GJB3: variants seen among roughly 807,000 people sequenced by gnomAD.
GJB3 encodes the protein gap junction beta-3 protein.
A neutral mutation model predicts 8.1 loss-of-function variants in GJB3; 6 were observed. The ratio of observed to expected loss-of-function variants is 0.75; its 90% CI spans 0.41 to 1.47. The LOEUF is 1.47. Among genes scored for constraint, GJB3 ranks in the 40% most tolerant of loss-of-function variants. The pLI, the probability that GJB3 is intolerant of heterozygous loss-of-function variation, is 0.02. For synonymous variants in GJB3, 137 were observed against 156.4 expected (o/e 0.88, Z 0.93); for missense variants, 348 against 365.6 (o/e 0.95, Z 0.39).
rs201314683 is a variant in GJB3 at position 34,785,055 on chromosome 1, G to C, written c.293G>C (p.Arg98Pro). ...SLLVILHVAY[R>P]EERERRHRQK... ...CTGGTCATCCTGCACGTGGCCTACC[G>C]TGAGGAGCGGGAGCGCCGGCACCGC... Residue 98 changes from arginine to proline, a missense_variant, in exon 2 of 2, where the codon CGT becomes CCT. Physicochemically the swap from Arg to Pro is moderately radical, Grantham distance 103. Coordinates refer to ENST00000373366, the MANE Select transcript of GJB3 (RefSeq NM_024009.3). The surrounding 1 kb of genome is among the most constrained non-coding windows in gnomAD (Gnocchi z 4.7). 1 of 1,614,102 alleles carries C rather than the reference G, an allele frequency of 6.2e-7. No individual in the cohort carries two copies. The highest frequency in any genetic ancestry group is 1.1e-5 in the South Asian group (1 of 91,084).
In GJB3 at chr1:34,781,293, G is replaced by C. The variant is rs184542575; in HGVS notation, c.-511G>C. ...AAGCCCACCGGCCTCCCTGGAGGCC[G>C]AGGTCGACGGCCCGTCGCACCGGGA... On this transcript the variant is annotated 5_prime_UTR_variant, in exon 1 of 2. Coordinates refer to ENST00000373366, the MANE Select transcript of GJB3 (RefSeq NM_024009.3). The surrounding 1 kb of genome is among the most constrained non-coding windows in gnomAD (Gnocchi z 6.2). 4 of 152,276 alleles carry C rather than the reference G, an allele frequency of 2.6e-5. No individual in the cohort carries two copies. Among genetic ancestry groups the C allele is most frequent in the Non-Finnish European group, 5.9e-5 (4 of 68,016 alleles). 9.4% of individuals were successfully genotyped at this position (152,276 alleles called of 1,614,324 possible). A position where few individuals can be genotyped will look rare whatever the true frequency, so the allele number is the denominator to read the frequency against.
In GJB3 at chr1:34,785,396, C is replaced by T; in HGVS notation, c.634C>T (p.His212Tyr). The change falls in exon 2 of 2, where the codon CAC becomes TAC. Residue 212 changes from histidine to tyrosine, a missense_variant. By Grantham distance (83) the His-to-Tyr change is moderately conservative. Coordinates refer to ENST00000373366, the MANE Select transcript of GJB3 (RefSeq NM_024009.3). This position sits in a 1 kb window ranked among gnomAD's most constrained non-coding sequence, Gnocchi z 4.7. ...CTGTGAGCTCTGCTACCTCATCTGC[C>T]ACAGGGTCCTGCGAGGCCTGCACAA... Reference protein sequence around the residue: ...TICELCYLICHRVLRGLHKDK... With the variant: ...TICELCYLICYRVLRGLHKDK... 1 of 1,614,152 alleles carries T rather than the reference C, an allele frequency of 6.2e-7. No individual in the cohort carries two copies. The highest frequency in any genetic ancestry group is 8.5e-7 in the Non-Finnish European group (1 of 1,180,042).
intron 1 of GJB3, among the ~76,000 whole-genome samples, chr1:34,782,914 C>T (rs1433912185): frequency 6.6e-6 from 1 of 152,138 alleles, no homozygotes; most frequent in African/African-American, 2.4e-5. Context: ...CATTTGTTTA[C>T]CCATTCAGCG....
chr1:34,783,213 A>ACTCCAG (rs987639163), intron 1 of GJB3, among the ~76,000 whole-genome samples: 1 of 151,610 alleles, frequency 6.6e-6, no homozygotes, highest in African/African-American at 2.4e-5. Context: ...GCACCACTGC[A>ACTCCAG]CTCCAGCCTG....
chr1:34,786,178 G>A lies in GJB3; in HGVS notation c.*603G>A, dbSNP rs554307336. ...GTCCCCCAGGTCATCACTTGGCTCA[G>A]TGGAAGCCCTCTTTCCCCAAATCCT... On this transcript the variant is annotated 3_prime_UTR_variant, in exon 2 of 2. Transcript: ENST00000373366. This position sits in a 1 kb window ranked among gnomAD's most constrained non-coding sequence, Gnocchi z 4.4. 2 of 168,718 alleles carry A rather than the reference G, an allele frequency of 1.2e-5. No homozygotes were observed. The highest frequency in any genetic ancestry group is 6.4e-5 in the Admixed American group (1 of 15,630). The allele number at this position is 168,718 out of a possible 1,614,324, so 10.5% of individuals were successfully genotyped here. A position where few individuals can be genotyped will look rare whatever the true frequency, so the allele number is the denominator to read the frequency against.
chr1:34,785,979 G>A lies in GJB3; in HGVS notation c.*404G>A, dbSNP rs1210008596. 4.3e-6 allele frequency: 1 copy of A among 230,084 alleles called. No homozygotes were observed. Among genetic ancestry groups the A allele is most frequent in the Non-Finnish European group, 9.4e-6 (1 of 106,340 alleles). 14.3% of individuals were successfully genotyped at this position (230,084 alleles called of 1,614,324 possible). On this transcript the variant is annotated 3_prime_UTR_variant, in exon 2 of 2. Transcript: ENST00000373366. This position sits in a 1 kb window ranked among gnomAD's most constrained non-coding sequence, Gnocchi z 4.7. ...AGACACAACAGCAGCACAGAGGTCT[G>A]GAGGCCACACAAAAAGTGATGCTCG...
Position 34,786,023 on chromosome 1 carries a change from A to C in GJB3, c.*448A>C, listed in dbSNP as rs1640110231. On this transcript the variant is annotated 3_prime_UTR_variant, in exon 2 of 2. Coordinates refer to ENST00000373366, the MANE Select transcript of GJB3 (RefSeq NM_024009.3). The surrounding 1 kb of genome is among the most constrained non-coding windows in gnomAD (Gnocchi z 4.4). ...ATGCTCGCCCTGGGCTAGCCTCAGC[A>C]GACCTAAGGCATCTCTACTCCCTCC... 4.4e-5 allele frequency: 9 copies of C among 205,686 alleles called. No individual in the cohort carries two copies. In the South Asian group the frequency reaches 8.7e-4, roughly 20 times the overall value. The allele number at this position is 205,686 out of a possible 1,614,324, so 12.7% of individuals were successfully genotyped here.
intron 1 of GJB3, 108 bp from the exon 2 acceptor site, chr1:34,784,630 T>C (rs1332519065): frequency 2.7e-6 from 2 of 751,582 alleles, no homozygotes; most frequent in Non-Finnish European, 4.7e-6. Flanking sequence ...CAGAGGGTCG[T>C]TGTGAGTATT....
rs765108155 is a variant in GJB3 at position 34,784,892 on chromosome 1, T to A, written c.130T>A (p.Trp44Arg). ...LVYVVAAERV[W>R]GDEQKDFDCN... ...ATACGTGGTGGCTGCAGAGCGCGTG[T>A]GGGGGGATGAGCAGAAGGACTTTGA... The change falls in exon 2 of 2, where the codon TGG becomes AGG. Residue 44 changes from tryptophan (W) to arginine (R), a missense_variant. Trp to Arg is a moderately radical substitution (Grantham distance 101). Coordinates refer to ENST00000373366, the MANE Select transcript of GJB3 (RefSeq NM_024009.3). 6 of 1,613,990 alleles carry A rather than the reference T, an allele frequency of 3.7e-6. No homozygotes were observed. The Admixed American group carries it at 1.0e-4, about 27-fold the overall frequency.
rs1349566004 is a variant in GJB3 at position 34,786,353 on chromosome 1, C to T, written c.*778C>T. On this transcript the variant is annotated 3_prime_UTR_variant, in exon 2 of 2. Coordinates refer to ENST00000373366, the MANE Select transcript of GJB3 (RefSeq NM_024009.3). The surrounding 1 kb of genome is among the most constrained non-coding windows in gnomAD (Gnocchi z 4.4). Reference sequence around the variant, plus strand: ...ACAGTTTCCTTGAAATCAATAAATACTGTGTTTTATACAGGTTGGCTCTGT... The same window carrying T: ...ACAGTTTCCTTGAAATCAATAAATATTGTGTTTTATACAGGTTGGCTCTGT... The T allele has an allele frequency of 2.4e-5, 4 of 167,332 alleles. No individual in the cohort carries two copies. The East Asian group carries it at 7.7e-4, about 32-fold the overall frequency. The allele number at this position is 167,332 out of a possible 1,614,324, so 10.4% of individuals were successfully genotyped here. A position where few individuals can be genotyped will look rare whatever the true frequency, so the allele number is the denominator to read the frequency against.
chr1:34,785,838 A>T lies in GJB3; in HGVS notation c.*263A>T, dbSNP rs1250496232. On this transcript the variant is annotated 3_prime_UTR_variant, in exon 2 of 2. Coordinates refer to ENST00000373366, the MANE Select transcript of GJB3 (RefSeq NM_024009.3). This position sits in a 1 kb window ranked among gnomAD's most constrained non-coding sequence, Gnocchi z 4.7. Reference sequence around the variant, plus strand: ...CTATCTACGCTGCCTGCAAGGGGCCACTTAGGGCACTGCTAGCAGGGCTTC... The same window carrying T: ...CTATCTACGCTGCCTGCAAGGGGCCTCTTAGGGCACTGCTAGCAGGGCTTC... The T allele has an allele frequency of 1.3e-5, 7 of 539,576 alleles. No individual in the cohort carries two copies. The African/African-American group carries it at 1.3e-4, about 10-fold the overall frequency. The allele number at this position is 539,576 out of a possible 1,614,324, so 33.4% of individuals were successfully genotyped here. A position where few individuals can be genotyped will look rare whatever the true frequency, so the allele number is the denominator to read the frequency against.
Position 34,781,938 on chromosome 1 carries a change from ATCCT to A in GJB3, c.-26+161_-26+164del, listed in dbSNP as rs1640017607. ...GGAGCCCGCCACCCCGTACCTCTCA[ATCCT>A]CCCTCTCGCCTCTCAATTCTGGGCC... On this transcript the variant is annotated intron_variant, in intron 1 of 1. Coordinates refer to ENST00000373366, the MANE Select transcript of GJB3 (RefSeq NM_024009.3). The surrounding 1 kb of genome is among the most constrained non-coding windows in gnomAD (Gnocchi z 6.2). Among the ~76,000 whole-genome samples, 1 of 152,064 alleles carries A rather than the reference ATCCT, an allele frequency of 6.6e-6. No individual in the cohort carries two copies. Among genetic ancestry groups the A allele is most frequent in the South Asian group, 2.1e-4 (1 of 4,828 alleles).
At chr1:34,784,649 C>A in intron 1 of GJB3, 89 bp from the exon 2 acceptor site, 1 of 868,760 alleles carries the variant, frequency 1.2e-6, no homozygotes, top group African/African-American at 1.7e-5. Context: ...TTGAACAAGT[C>A]AGAACTCAGA....
In GJB3 at chr1:34,784,871, G is replaced by C. The variant is rs148388884; in HGVS notation, c.109G>C (p.Val37Leu). 57 of 1,614,198 alleles carry C rather than the reference G, an allele frequency of 3.5e-5. No homozygotes were observed. The African/African-American group carries it at 7.2e-4, about 20-fold the overall frequency. Residue 37 changes from valine (V) to leucine (L), a missense_variant, in exon 2 of 2, where the codon GTG becomes CTG. Val to Leu is a conservative substitution (Grantham distance 32). Coordinates refer to ENST00000373366, the MANE Select transcript of GJB3 (RefSeq NM_024009.3). ...VVFVFRVLVY[V>L]VAAERVWGDE... ...GTTCGTCTTCCGGGTGCTGGTATAC[G>C]TGGTGGCTGCAGAGCGCGTGTGGGG...
chr1:34,782,977 A>T (rs1441056271), intron 1 of GJB3, among the ~76,000 whole-genome samples: 1 of 152,228 alleles, frequency 6.6e-6, no homozygotes, highest in Non-Finnish European at 1.5e-5. Context: ...AGCAGTGAGC[A>T]AGACCAAGTT....
rs145751680 is a variant in GJB3, at chr1:34,785,012, G to A, written c.250G>A (p.Val84Ile). The change falls in exon 2 of 2, where the codon GTC becomes ATC. Residue 84 changes from valine (V) to isoleucine (I), a missense_variant. Val to Ile is a conservative substitution (Grantham distance 29, BLOSUM62 3). Transcript: ENST00000373366. This position sits in a 1 kb window ranked among gnomAD's most constrained non-coding sequence, Gnocchi z 4.7. ...IRLWALQLIF[V>I]TCPSLLVILH... ...CCTCTGGGCCCTGCAGCTCATCTTC[G>A]TCACATGCCCCTCGCTGCTGGTCAT... 539 of 1,614,168 alleles carry A rather than the reference G, an allele frequency of 3.3e-4. 4 individuals carry two copies. The East Asian group carries it at 0.011, about 33-fold the overall frequency.
rs551268959 is a variant in GJB3 at position 34,782,838 on chromosome 1, C to A, written c.-26+1060C>A. 1.7e-4 allele frequency among the ~76,000 whole-genome samples: 26 copies of A among 152,164 alleles called. 1 individual carries two copies. In the South Asian group the frequency reaches 5.4e-3, roughly 32 times the overall value. ...CCAATCCCCCTGACCAGGCTGCCCC[C>A]TGACCAGGATCCTGCCCACCCTCCT... On this transcript the variant is annotated intron_variant, in intron 1 of 1. Coordinates refer to ENST00000373366, the MANE Select transcript of GJB3 (RefSeq NM_024009.3).
chr1:34,785,569 C>T lies in GJB3; in HGVS notation c.807C>T (p.Pro269=), dbSNP rs1640100533. ...AGGCTTCAGCACCCAACCTGACCCC[C>T]ATCTGACCACAGGGCAGGGGTGGGG... is the stretch of plus-strand genomic sequence containing the variant. ...KLQASAPNLT[P]I The change falls in exon 2 of 2, where the codon CCC becomes CCT. Residue 269 remains proline (P), a synonymous_variant. Transcript: ENST00000373366. The surrounding 1 kb of genome is among the most constrained non-coding windows in gnomAD (Gnocchi z 4.7). 1.2e-6 allele frequency: 2 copies of T among 1,613,590 alleles called. No individual in the cohort carries two copies. The highest frequency in any genetic ancestry group is 2.7e-5 in the African/African-American group (2 of 75,040).
At chr1:34,782,115 C>T (rs1170705286) in intron 1 of GJB3, among the ~76,000 whole-genome samples, 1 of 152,132 alleles carries the variant, frequency 6.6e-6, no homozygotes, top group Non-Finnish European at 1.5e-5. Flanking sequence ...GGGCTGGGCA[C>T]AGTACAGTCT....
Sources: gnomAD v4.1 joint callset for allele counts (sites outside exome capture counted in the v4.1 genomes callset) on GRCh38, gnomAD v4.1.1 for gene constraint, Gnocchi (gnomAD v3.1) non-coding constraint, MANE v1.5 for transcripts, NCBI Gene and HGNC (gene_info 2026-07-23, HGNC 2026-07-21) for gene names.